SLC8A2: variants seen among roughly 807,000 people sequenced by gnomAD.
SLC8A2 encodes the protein sodium/calcium exchanger 2.
Under a neutral mutation model 70.2 loss-of-function variants are expected in SLC8A2, and 14 were observed. The ratio of observed to expected loss-of-function variants is 0.20; its 90% CI spans 0.13 to 0.31. The LOEUF (loss-of-function observed/expected upper bound fraction) is 0.31. SLC8A2 is among the 10% of genes least tolerant of loss of function. The probability of loss-of-function intolerance (pLI) is 1.00; values close to 1 mark genes in which losing one functional copy is unlikely to be tolerated. For synonymous variants in SLC8A2, 575 were observed against 594.3 expected, an observed-to-expected ratio of 0.97 and a Z score of 0.47; for missense variants, 779 against 1,320.1, an observed-to-expected ratio of 0.59 and a Z score of 6.35.
In SLC8A2 at chr19:47,459,203, G is replaced by A. The variant is rs118187949; in HGVS notation, c.676-1609C>T. 6.8e-3 allele frequency among the ~76,000 whole-genome samples: 1,007 copies of A among 148,208 alleles called. 11 individuals carry two copies. Among genetic ancestry groups the A allele is most frequent in the Non-Finnish European group, 0.011 (715 of 67,028 alleles). On this transcript the variant is annotated intron_variant, in intron 2 of 9. Transcript: ENST00000236877. Reference sequence around the variant, plus strand: ...CCCCACATTTCTCTCTCTCCATCTCGTTCTCTCTCTCTCTGTCCCTGTTCG... The same window carrying A: ...CCCCACATTTCTCTCTCTCCATCTCATTCTCTCTCTCTCTGTCCCTGTTCG...
At position 47,432,514 on chromosome 19, in the gene SLC8A2, G is replaced by T; in HGVS notation, c.2111-69C>A. The T allele has an allele frequency of 6.9e-7, 1 of 1,455,306 alleles. No homozygotes were observed. The highest frequency in any genetic ancestry group is 9.2e-7 in the Non-Finnish European group (1 of 1,089,844). The allele number at this position is 1,455,306 out of a possible 1,614,324, so 90.1% of individuals were successfully genotyped here. On this transcript the variant is annotated intron_variant, in intron 8 of 9. Transcript: ENST00000236877. The surrounding 1 kb of genome is among the most constrained non-coding windows in gnomAD (Gnocchi z 6.2). The stretch of plus-strand genomic sequence containing the variant: ...TCCTTGCCTACAGAGGCCCCATTTT[G>T]TCTAACTTCCTGACAGCAAGTCCCA...
chr19:47,464,458 C>T (rs1967433411), intron 2 of SLC8A2, among the ~76,000 whole-genome samples: 1 of 152,168 alleles, frequency 6.6e-6, no homozygotes, highest in African/African-American at 2.4e-5. Context: ...TTCATTTTAA[C>T]AGCACCTTAA....
At position 47,447,759 on chromosome 19, in the gene SLC8A2, C is replaced by T. The variant is rs1324322367; in HGVS notation, c.1763+50G>A. The T allele has an allele frequency of 4.6e-6, 7 of 1,506,498 alleles. No homozygotes were observed. The highest frequency in any genetic ancestry group is 6.2e-6 in the Non-Finnish European group (7 of 1,135,844). The allele number at this position is 1,506,498 out of a possible 1,614,324, so 93.3% of individuals were successfully genotyped here. A position where few individuals can be genotyped will look rare whatever the true frequency, so the allele number is the denominator to read the frequency against. ...CCCGCCCCTGAGCCACATCAGGCCTCGCCCATTCCGAAGCCCCGCCCCTCT... is the reference window on the plus strand; with the variant it reads ...CCCGCCCCTGAGCCACATCAGGCCTTGCCCATTCCGAAGCCCCGCCCCTCT... On this transcript the variant is annotated intron_variant, in intron 4 of 9. Coordinates refer to ENST00000236877, the MANE Select transcript of SLC8A2 (RefSeq NM_015063.3). The surrounding 1 kb of genome is among the most constrained non-coding windows in gnomAD (Gnocchi z 5.1).
rs7343115 is a variant in SLC8A2 at position 47,460,473 on chromosome 19, G to A, written c.676-2879C>T. ...AGCACTTTGGGAGGCCAAAGTGGGTGGATCACCTGAGGCCAGGAGTTCGAG... is the reference window on the plus strand; with the variant it reads ...AGCACTTTGGGAGGCCAAAGTGGGTAGATCACCTGAGGCCAGGAGTTCGAG... On this transcript the variant is annotated intron_variant, in intron 2 of 9. Coordinates refer to ENST00000236877, the MANE Select transcript of SLC8A2 (RefSeq NM_015063.3). 6.7e-3 allele frequency among the ~76,000 whole-genome samples: 1,026 copies of A among 152,244 alleles called. 13 individuals carry two copies. Among genetic ancestry groups the A allele is most frequent in the African/African-American group, 0.023 (960 of 41,546 alleles).
At chr19:47,445,516 T>C (rs1253199298) in intron 4 of SLC8A2, among the ~76,000 whole-genome samples, 2 of 152,250 alleles carry the variant, frequency 1.3e-5, no homozygotes, top group Non-Finnish European at 2.9e-5. Flanking sequence ...TCTGTGTCTC[T>C]GTCTCTGTCT....
At position 47,447,069 on chromosome 19, in the gene SLC8A2, C is replaced by T. The variant is rs1167529590; in HGVS notation, c.1763+740G>A. ...TTTCCCAAATCCTCGCCCAGATTCG[C>T]GTTAGGTGCCCCGCTATTTCCCCAG... On this transcript the variant is annotated intron_variant, in intron 4 of 9. Transcript: ENST00000236877. The surrounding 1 kb of genome is among the most constrained non-coding windows in gnomAD (Gnocchi z 5.1). Among the ~76,000 whole-genome samples the T allele has an allele frequency of 1.3e-5, 2 of 150,058 alleles. No individual in the cohort carries two copies. Among genetic ancestry groups the T allele is most frequent in the Non-Finnish European group, 3.0e-5 (2 of 67,052 alleles).
chr19:47,437,621 G>C (rs2122617386), intron 7 of SLC8A2, 60 bp from the exon 8 acceptor site: 1 of 1,391,724 alleles, frequency 7.2e-7, no homozygotes, highest in South Asian at 1.2e-5. Context: ...GAAGCTCCAT[G>C]TTGGGTCCTG....
At chr19:47,454,358 G>A (rs1340854198) in intron 3 of SLC8A2, among the ~76,000 whole-genome samples, 2 of 152,194 alleles carry the variant, frequency 1.3e-5, no homozygotes, top group East Asian at 3.9e-4. Context: ...CCTCAACTGA[G>A]GGCATGTGGA....
chr19:47,456,810 C>T, intron 3 of SLC8A2, 120 bp downstream of exon 3: 1 of 1,041,106 alleles, frequency 9.6e-7, no homozygotes, highest in Non-Finnish European at 1.3e-6. Context: ...AATGAATGAA[C>T]AAATGAACCA....
rs1374113656 is a variant in SLC8A2 at position 47,430,242 on chromosome 19, G to T, written c.2613C>A (p.Ala871=). The change falls in exon 10 of 10, where the codon GCC becomes GCA. Residue 871 remains alanine (A), a synonymous_variant. Coordinates refer to ENST00000236877, the MANE Select transcript of SLC8A2 (RefSeq NM_015063.3). The surrounding 1 kb of genome is among the most constrained non-coding windows in gnomAD (Gnocchi z 5.9). ...GCGGCCGGCGCCGGTACAGCAGCAC[G>T]GCAATGCCCACGAAGGCGAAGACGG... ...LFTVFAFVGI[A]VLLYRRRPHI... The T allele has an allele frequency of 6.2e-7, 1 of 1,611,450 alleles. No homozygotes were observed. Among genetic ancestry groups the T allele is most frequent in the Non-Finnish European group, 8.5e-7 (1 of 1,178,874 alleles).
At position 47,447,596 on chromosome 19, in the gene SLC8A2, G is replaced by T; in HGVS notation, c.1763+213C>A. 3 of 532,932 alleles carry T rather than the reference G, an allele frequency of 5.6e-6. No homozygotes were observed. The highest frequency in any genetic ancestry group is 9.7e-6 in the Non-Finnish European group (3 of 308,502). 33.0% of individuals were successfully genotyped at this position (532,932 alleles called of 1,614,324 possible). A position where few individuals can be genotyped will look rare whatever the true frequency, so the allele number is the denominator to read the frequency against. On this transcript the variant is annotated intron_variant, in intron 4 of 9. Coordinates refer to ENST00000236877, the MANE Select transcript of SLC8A2 (RefSeq NM_015063.3). The surrounding 1 kb of genome is among the most constrained non-coding windows in gnomAD (Gnocchi z 5.1). ...AGGCCCCTCTCCTCCTGAGGGCCCAGCTGTTCAGTGAAGCCCCGCCCACGT... is the reference window on the plus strand; with the variant it reads ...AGGCCCCTCTCCTCCTGAGGGCCCATCTGTTCAGTGAAGCCCCGCCCACGT...
intron 8 of SLC8A2, among the ~76,000 whole-genome samples, chr19:47,435,231 G>C (rs1967011881): frequency 6.6e-6 from 1 of 151,884 alleles, no homozygotes; most frequent in Non-Finnish European, 1.5e-5. Flanking sequence ...AAAAAGACAT[G>C]ATAGGGTCAC....
At chr19:47,437,755 G>C (rs1967048897) in intron 7 of SLC8A2, 94 bp downstream of exon 7, 1 of 1,491,062 alleles carries the variant, frequency 6.7e-7, no homozygotes, top group African/African-American at 1.4e-5. Context: ...TCTTTGGCTT[G>C]ATCTTAGGAA....
intron 3 of SLC8A2, among the ~76,000 whole-genome samples, chr19:47,449,340 T>A (rs1333692313): frequency 6.6e-6 from 1 of 152,150 alleles, no homozygotes; most frequent in Admixed American, 6.5e-5. Context: ...GTTTTGTTTT[T>A]TTGAGACAGA....
At position 47,441,227 on chromosome 19, in the gene SLC8A2, C is replaced by T. The variant is rs779079154; in HGVS notation, c.1868-41G>A. ...GACAGGCAGACAGTGAGATCAGTTC[C>T]CCACGAAGCTCAGGTCCACGAGCTT... On this transcript the variant is annotated intron_variant, in intron 5 of 9. Transcript: ENST00000236877. 3.7e-6 allele frequency: 6 copies of T among 1,612,722 alleles called. No individual in the cohort carries two copies. In the South Asian group the frequency reaches 4.4e-5, roughly 12 times the overall value.
chr19:47,443,205 C>G (rs1169971040), intron 4 of SLC8A2, among the ~76,000 whole-genome samples: 1 of 152,212 alleles, frequency 6.6e-6, no homozygotes, highest in African/African-American at 2.4e-5. Context: ...CCCTCAGCTT[C>G]CTGCTCTCTG....
chr19:47,441,096 G>C, intron 6 of SLC8A2, 73 bp downstream of exon 6: 1 of 1,443,952 alleles, frequency 6.9e-7, no homozygotes, highest in Middle Eastern at 1.7e-4. Flanking sequence ...AGTAGCTTTG[G>C]GGCTGGGACC....
chr19:47,446,841 T>C (rs1967168862), intron 4 of SLC8A2, among the ~76,000 whole-genome samples: 1 of 98,946 alleles, frequency 1.0e-5, no homozygotes, highest in South Asian at 3.8e-4. Context: ...CGCCTGGCCC[T>C]GCCGTGTGTG....
rs1271807908 is a variant in SLC8A2 at position 47,429,850 on chromosome 19, C to T, written c.*239G>A. The T allele has an allele frequency of 3.4e-6, 2 of 582,430 alleles. No homozygotes were observed. The highest frequency in any genetic ancestry group is 5.8e-5 in the East Asian group (2 of 34,540). 36.1% of individuals were successfully genotyped at this position (582,430 alleles called of 1,614,324 possible). A position where few individuals can be genotyped will look rare whatever the true frequency, so the allele number is the denominator to read the frequency against. Reference sequence around the variant, plus strand: ...TATAGACGGTCACCAACAGGATGGGCTGGAGTTGGGGTCACCGCAGGGGAG... The same window carrying T: ...TATAGACGGTCACCAACAGGATGGGTTGGAGTTGGGGTCACCGCAGGGGAG... On this transcript the variant is annotated 3_prime_UTR_variant, in exon 10 of 10. Transcript: ENST00000236877.
Sources: gnomAD v4.1 joint callset for allele counts (sites outside exome capture counted in the v4.1 genomes callset) on GRCh38, gnomAD v4.1.1 for gene constraint, Gnocchi (gnomAD v3.1) non-coding constraint, MANE v1.5 for transcripts, NCBI Gene and HGNC (gene_info 2026-07-23, HGNC 2026-07-21) for gene names.